TCF12: variants seen among roughly 807,000 people sequenced by gnomAD.
The protein encoded by TCF12 is DNA-binding protein HTF4.
TCF12 carries 45 observed loss-of-function variants against 86.0 expected under a neutral mutation model. The ratio of observed to expected loss-of-function variants is 0.52; its 90% CI spans 0.41 to 0.67. The LOEUF (loss-of-function observed/expected upper bound fraction) is 0.67, where lower values mean the gene tolerates loss of function less well. TCF12 is among the 30% of genes least tolerant of loss of function. The pLI is 0.00. For missense variants in TCF12, 881 were observed against 859.9 expected (o/e 1.02, Z -0.31); for synonymous variants, 330 against 299.6 (o/e 1.10, Z -1.05).
chr15:57,083,449 G>T (rs1482130149), intron 4 of TCF12, among the ~76,000 whole-genome samples: 2 of 150,626 alleles, frequency 1.3e-5, no homozygotes, highest in Non-Finnish European at 3.0e-5. Flanking sequence ...GAAAATCTGA[G>T]AAATAATATA....
chr15:57,000,954 G>C (rs1219068366), intron 3 of TCF12, among the ~76,000 whole-genome samples: 1 of 148,908 alleles, frequency 6.7e-6, no homozygotes, highest in African/African-American at 2.5e-5. Flanking sequence ...AATAAATTTT[G>C]CCTTTTCTGT....
intron 8 of TCF12, among the ~76,000 whole-genome samples, chr15:57,225,443 C>T (rs1244170059): frequency 6.6e-6 from 1 of 151,830 alleles, no homozygotes; most frequent in East Asian, 1.9e-4. Flanking sequence ...GATGGGGTTT[C>T]ACTGTGTTAT....
intron 19 of TCF12, among the ~76,000 whole-genome samples, chr15:57,277,903 A>G (rs1373939382): frequency 6.6e-6 from 1 of 152,038 alleles, no homozygotes; most frequent in African/African-American, 2.4e-5. Flanking sequence ...TTGTAGCACC[A>G]CACTCCAGTC....
rs557610511 is a variant in TCF12, at chr15:56,995,231, C to CTTTTTTTTTTT, written c.149-68501_149-68491dup. Among the ~76,000 whole-genome samples the CTTTTTTTTTTT allele has an allele frequency of 2.0e-3, 62 of 30,304 alleles. 16 individuals carry two copies. The highest frequency in any genetic ancestry group is 3.7e-3 in the African/African-American group (30 of 8,114). 19.9% of individuals were successfully genotyped at this position (30,304 alleles called of 152,430 possible). A position where few individuals can be genotyped will look rare whatever the true frequency, so the allele number is the denominator to read the frequency against. ...AAGTCAGGTAATGTGATACCTGCAG[C>CTTTTTTTTTTT]TTTTTTTTTTTTTTTTTTTTTTTTT... is the stretch of plus-strand genomic sequence containing the variant. On this transcript the variant is annotated intron_variant, in intron 3 of 20. Coordinates refer to ENST00000333725, the MANE Select transcript of TCF12 (RefSeq NM_207037.2).
intron 6 of TCF12, among the ~76,000 whole-genome samples, chr15:57,168,034 G>A (rs558413895): frequency 6.6e-6 from 1 of 152,198 alleles, no homozygotes; most frequent in Admixed American, 6.5e-5. Context: ...ATTATGAGCT[G>A]GGCACTGTGG....
intron 3 of TCF12, among the ~76,000 whole-genome samples, chr15:56,955,659 T>C (rs780007610): frequency 2.6e-4 from 40 of 152,240 alleles, no homozygotes; most frequent in Non-Finnish European, 3.8e-4. Flanking sequence ...GTTTGAAATA[T>C]GGTTTGCCTT....
At chr15:57,209,566 C>T (rs1353498862) in intron 8 of TCF12, among the ~76,000 whole-genome samples, 5 of 152,188 alleles carry the variant, frequency 3.3e-5, no homozygotes, top group African/African-American at 9.7e-5. Flanking sequence ...TTTAACCATT[C>T]GTGGTCACCT....
At chr15:57,198,631 CG>C (rs1250046174) in intron 8 of TCF12, among the ~76,000 whole-genome samples, 1 of 152,086 alleles carries the variant, frequency 6.6e-6, no homozygotes, top group African/African-American at 2.4e-5. Flanking sequence ...GTGCAAAAAA[CG>C]GAAGTTTTTT....
intron 3 of TCF12, among the ~76,000 whole-genome samples, chr15:56,970,742 A>G (rs1376230323): frequency 2.6e-5 from 4 of 151,850 alleles, no homozygotes; most frequent in Non-Finnish European, 5.9e-5. Flanking sequence ...CAAAGTCAAA[A>G]GACAGATAGA....
chr15:56,954,358 G>A (rs1353097363), intron 3 of TCF12, among the ~76,000 whole-genome samples: 1 of 152,156 alleles, frequency 6.6e-6, no homozygotes, highest in African/African-American at 2.4e-5. Context: ...GGGAAAACTG[G>A]CTAGCCATAT....
chr15:57,072,391 A>G (rs1008645586), intron 4 of TCF12, among the ~76,000 whole-genome samples: 1 of 152,194 alleles, frequency 6.6e-6, no homozygotes, highest in Admixed American at 6.5e-5. Flanking sequence ...TCCTTAATAC[A>G]TGGGAAAATC....
Position 56,919,973 on chromosome 15 carries a change from A to C in TCF12, c.60A>C (p.Leu20=). The C allele has an allele frequency of 6.2e-7, 1 of 1,613,826 alleles. No homozygotes were observed. Among genetic ancestry groups the C allele is most frequent in the African/African-American group, 1.3e-5 (1 of 74,914 alleles). The change falls in exon 2 of 21, where the codon CTA becomes CTC. Residue 20 remains leucine (L), a synonymous_variant. Transcript: ENST00000333725. ...GGACCGACAAGGAGCTGAGCGACCT[A>C]CTGGACTTCAGTGCGGTATGAGAGC... is the stretch of plus-strand genomic sequence containing the variant. ...AIGTDKELSD[L]LDFSAMFSPP...
intron 5 of TCF12, 27 bp downstream of exon 5, chr15:57,091,918 T>C: frequency 1.0e-5 from 16 of 1,580,428 alleles, no homozygotes; most frequent in Non-Finnish European, 1.4e-5. Context: ...CTGCAAGTAG[T>C]CTTCTCAAAG....
rs369741941 is a variant in TCF12 at position 57,186,061 on chromosome 15, T to TA, written c.391-6090dup. ...GAGATTATTGTGAATAATTGTCTGC[T>TA]AAAAAAATTGAATAATCTGGATGAA... On this transcript the variant is annotated intron_variant, in intron 6 of 20. Coordinates refer to ENST00000333725, the MANE Select transcript of TCF12 (RefSeq NM_207037.2). Among the ~76,000 whole-genome samples the TA allele has an allele frequency of 1.4e-4, 22 of 152,254 alleles. 4 individuals are homozygous for TA. The highest frequency in any genetic ancestry group is 5.3e-4 in the African/African-American group (22 of 41,544).
chr15:56,960,015 T>TA (rs2061673796), intron 3 of TCF12, among the ~76,000 whole-genome samples: 1 of 152,156 alleles, frequency 6.6e-6, no homozygotes, highest in Admixed American at 6.5e-5. Flanking sequence ...CTTTTTTAGT[T>TA]AAAAAACCGC....
intron 5 of TCF12, among the ~76,000 whole-genome samples, chr15:57,165,100 C>T (rs1479298528): frequency 1.3e-5 from 2 of 150,704 alleles, no homozygotes; most frequent in African/African-American, 4.9e-5. Context: ...CTACCAGTTT[C>T]CCTTCTTTGT....
chr15:57,036,567 T>A (rs1695740023), intron 3 of TCF12, among the ~76,000 whole-genome samples: 1 of 152,322 alleles, frequency 6.6e-6, no homozygotes, highest in African/African-American at 2.4e-5. Flanking sequence ...GGTATCTCAT[T>A]GTGGTTTTGA....
intron 3 of TCF12, among the ~76,000 whole-genome samples, chr15:56,961,183 G>A (rs922438753): frequency 4.6e-5 from 7 of 151,714 alleles, no homozygotes; most frequent in Non-Finnish European, 1.0e-4. Flanking sequence ...ATGCTAGCTA[G>A]ACACTGTGCT....
intron 4 of TCF12, among the ~76,000 whole-genome samples, chr15:57,068,370 A>G (rs2069084620): frequency 6.6e-6 from 1 of 152,242 alleles, no homozygotes; most frequent in African/African-American, 2.4e-5. Flanking sequence ...ATTTAAACAC[A>G]TGGATACATT....
Sources: allele counts gnomAD v4.1 joint callset (sites outside exome capture counted in the v4.1 genomes callset), GRCh38; gene constraint gnomAD v4.1.1; transcripts MANE v1.5; gene names NCBI Gene and HGNC (gene_info 2026-07-23, HGNC 2026-07-21).